DGKB: variants seen among roughly 807,000 people sequenced by gnomAD.
DGKB encodes the protein 90 kDa diacylglycerol kinase.
In DGKB, 67 loss-of-function variants were observed where a neutral mutation model predicts 114.3. The ratio of observed to expected loss-of-function variants is 0.59; its 90% CI spans 0.48 to 0.72. The LOEUF is 0.72. Ranked by LOEUF, DGKB falls within the 30% of genes least tolerant of loss-of-function variation. The probability of loss-of-function intolerance (pLI) is 0.00; values close to 1 mark genes in which losing one functional copy is unlikely to be tolerated. For missense variants in DGKB, 907 were observed against 975.2 expected, an observed-to-expected ratio of 0.93 and a Z score of 0.93; for synonymous variants, 398 against 323.1, an observed-to-expected ratio of 1.23 and a Z score of -2.49.
intron 21 of DGKB, among the ~76,000 whole-genome samples, chr7:14,419,603 T>C (rs1256629954): frequency 1.3e-5 from 2 of 151,066 alleles, no homozygotes; most frequent in African/African-American, 4.8e-5. Flanking sequence ...GTTGAAATGA[T>C]TGAAGATAAA....
At chr7:14,414,811 T>C (rs752958618) in intron 21 of DGKB, among the ~76,000 whole-genome samples, 5 of 152,108 alleles carry the variant, frequency 3.3e-5, no homozygotes, top group Non-Finnish European at 7.4e-5. Context: ...GTCTTAGGGA[T>C]GTGTGAAGGG....
At position 14,672,978 on chromosome 7, in the gene DGKB, G is replaced by T. The variant is rs373262401; in HGVS notation, c.1085C>A (p.Pro362His). 4.4e-6 allele frequency: 7 copies of T among 1,579,580 alleles called. No homozygotes were observed. In the South Asian group the frequency reaches 4.7e-5, roughly 10 times the overall value. The change falls in exon 13 of 26, where the codon CCT (proline) becomes CAT (histidine). Residue 362 changes from proline to histidine, a missense_variant. Physicochemically the swap from Pro to His is moderately conservative, Grantham distance 77 (BLOSUM62 -2). Coordinates refer to ENST00000402815, the MANE Select transcript of DGKB (RefSeq NM_001350709.2). ...GGGTGGTAAAATATGGTCCTTCAAAGGTCCACAGTCACATTCAGGTTTTAG... is the reference window on the plus strand; with the variant it reads ...GGGTGGTAAAATATGGTCCTTCAAATGTCCACAGTCACATTCAGGTTTTAG... ...SHLKPECDCG[P>H]LKDHILPPTT...
intron 25 of DGKB, among the ~76,000 whole-genome samples, chr7:14,175,025 A>T (rs997865995): frequency 6.6e-6 from 1 of 152,254 alleles, no homozygotes; most frequent in African/African-American, 2.4e-5. Context: ...GTTTCAGAGT[A>T]AAACCATTAC....
chr7:14,521,826 C>T (rs1446809499), intron 20 of DGKB, among the ~76,000 whole-genome samples: 1 of 152,080 alleles, frequency 6.6e-6, no homozygotes, highest in Non-Finnish European at 1.5e-5. Context: ...CTTTGCATAT[C>T]TCATAATTTT....
chr7:14,398,280 T>C (rs2128721224), intron 21 of DGKB, among the ~76,000 whole-genome samples: 1 of 152,164 alleles, frequency 6.6e-6, no homozygotes, highest in East Asian at 1.9e-4. Flanking sequence ...ATAAATGGTC[T>C]TCTATGTTTC....
intron 21 of DGKB, among the ~76,000 whole-genome samples, chr7:14,467,847 G>A (rs1368851587): frequency 6.6e-6 from 1 of 152,020 alleles, no homozygotes; most frequent in African/African-American, 2.4e-5. Flanking sequence ...AATTAGCCAT[G>A]CCAGGGGATT....
chr7:14,958,722 G>T (rs1029439705), intron 1 of DGKB, among the ~76,000 whole-genome samples: 4 of 151,958 alleles, frequency 2.6e-5, no homozygotes, highest in African/African-American at 9.7e-5. Flanking sequence ...CACCTCCTTA[G>T]ATGTAAATGT....
intron 1 of DGKB, among the ~76,000 whole-genome samples, chr7:14,856,176 T>G (rs1850123976): frequency 6.6e-6 from 1 of 152,080 alleles, no homozygotes; most frequent in South Asian, 2.1e-4. Flanking sequence ...GTGAATCACT[T>G]TCAACTTATG....
intron 1 of DGKB, among the ~76,000 whole-genome samples, chr7:14,942,916 T>A (rs1180782782): frequency 6.6e-6 from 1 of 151,996 alleles, no homozygotes; most frequent in Non-Finnish European, 1.5e-5. Flanking sequence ...TGATCTAGCA[T>A]TATATGTGAT....
chr7:14,419,125 CT>C (rs1316549621), intron 21 of DGKB, among the ~76,000 whole-genome samples: 2 of 151,764 alleles, frequency 1.3e-5, no homozygotes, highest in African/African-American at 4.8e-5. Context: ...TAAAAAAATT[CT>C]TTACACAATT....
intron 19 of DGKB, among the ~76,000 whole-genome samples, chr7:14,574,682 T>C (rs1297745912): frequency 1.3e-5 from 2 of 152,214 alleles, no homozygotes; most frequent in Admixed American, 1.3e-4. Flanking sequence ...CAAAACTGAA[T>C]GAATTCTCTG....
At chr7:14,859,122 G>T (rs1365256191) in intron 1 of DGKB, among the ~76,000 whole-genome samples, 1 of 152,104 alleles carries the variant, frequency 6.6e-6, no homozygotes, top group Non-Finnish European at 1.5e-5. Flanking sequence ...GAACAGGAGA[G>T]AAGGCAAATT....
At chr7:14,678,099 T>C (rs1248370413) in intron 12 of DGKB, among the ~76,000 whole-genome samples, 1 of 152,068 alleles carries the variant, frequency 6.6e-6, no homozygotes, top group Non-Finnish European at 1.5e-5. Context: ...ATAGTACATA[T>C]GTTTGAAATT....
At chr7:14,419,296 G>A (rs1352107904) in intron 21 of DGKB, among the ~76,000 whole-genome samples, 1 of 151,862 alleles carries the variant, frequency 6.6e-6, no homozygotes, top group Admixed American at 6.6e-5. Context: ...TAAATTTAGA[G>A]TAGAAACTAT....
intron 23 of DGKB, among the ~76,000 whole-genome samples, chr7:14,199,908 T>TCAAAA (rs985380288): frequency 6.6e-6 from 1 of 151,852 alleles, no homozygotes; most frequent in Non-Finnish European, 1.5e-5. Context: ...AAAACAAGGA[T>TCAAAA]CAAAACAAAC....
intron 2 of DGKB, among the ~76,000 whole-genome samples, chr7:14,810,058 T>A (rs6461135): frequency 6.6e-6 from 1 of 151,720 alleles, no homozygotes; most frequent in East Asian, 1.9e-4. Context: ...ATTCTTCATT[T>A]AGTCCTTTAA....
chr7:14,533,114 CAGAT>C (rs1162984154), intron 20 of DGKB, among the ~76,000 whole-genome samples: 5 of 151,744 alleles, frequency 3.3e-5, no homozygotes, highest in Non-Finnish European at 5.9e-5. Flanking sequence ...AAAGAGAACA[CAGAT>C]AGACAACTAA....
At chr7:14,700,825 T>G (rs561510543) in intron 7 of DGKB, among the ~76,000 whole-genome samples, 13 of 152,332 alleles carry the variant, frequency 8.5e-5, no homozygotes, top group Admixed American at 7.2e-4. Flanking sequence ...TAATATTAAA[T>G]ACATTAAAAA....
At chr7:14,244,477 A>G (rs1794151723) in intron 23 of DGKB, among the ~76,000 whole-genome samples, 1 of 150,240 alleles carries the variant, frequency 6.7e-6, no homozygotes. Flanking sequence ...TAACACGGTG[A>G]AACCCCGTCT....
Sources: gnomAD v4.1 joint callset for allele counts (sites outside exome capture counted in the v4.1 genomes callset) on GRCh38, gnomAD v4.1.1 for gene constraint, MANE v1.5 for transcripts, NCBI Gene and HGNC (gene_info 2026-07-23, HGNC 2026-07-21) for gene names.